Variants in ADCY3 observed in about 807,000 individuals in gnomAD.
The protein encoded by ADCY3 is adenylate cyclase 3, also known as adenylate cyclase type 3.
Under a neutral mutation model 119.4 loss-of-function variants are expected in ADCY3, and 70 were observed. The ratio of observed to expected loss-of-function variants is 0.59; its 90% confidence interval spans 0.48 to 0.72. The LOEUF is 0.72. Ranked by LOEUF, ADCY3 falls within the 30% of genes least tolerant of loss-of-function variation. The pLI is 0.00. For synonymous variants in ADCY3, 672 were observed against 621.4 expected (o/e 1.08, Z -1.21); for missense variants, 1,238 against 1,541.6 (o/e 0.80, Z 3.30).
intron 2 of ADCY3, among the ~76,000 whole-genome samples, chr2:24,889,323 G>T (rs959389360): frequency 2.6e-5 from 4 of 152,194 alleles, no homozygotes; most frequent in Admixed American, 2.0e-4. Context: ...TACTTACTCA[G>T]CTGTGGATGC....
At chr2:24,881,165 A>T (rs1176354677) in intron 2 of ADCY3, among the ~76,000 whole-genome samples, 1 of 152,158 alleles carries the variant, frequency 6.6e-6, no homozygotes, top group Non-Finnish European at 1.5e-5. Context: ...TCACCAGAAC[A>T]CCACACACTA....
At chr2:24,887,358 A>C (rs991860069) in intron 2 of ADCY3, among the ~76,000 whole-genome samples, 1 of 152,082 alleles carries the variant, frequency 6.6e-6, no homozygotes, top group East Asian at 1.9e-4. Flanking sequence ...TTGGGTGGGG[A>C]CGCAAAGCCT....
At chr2:24,877,339 C>T (rs546476253) in intron 2 of ADCY3, among the ~76,000 whole-genome samples, 97 of 152,316 alleles carry the variant, frequency 6.4e-4, no homozygotes, top group Non-Finnish European at 9.7e-4. Context: ...CAGAAGCCAT[C>T]AGTAAACATG....
At chr2:24,850,680 A>G (rs111719306) in intron 3 of ADCY3, among the ~76,000 whole-genome samples, 5 of 152,374 alleles carry the variant, frequency 3.3e-5, no homozygotes, top group African/African-American at 1.2e-4. Context: ...GTAAAAAGAT[A>G]TACGTAGAAG....
Position 24,840,174 on chromosome 2 carries a change from G to C in ADCY3, c.1197-143C>G, listed in dbSNP as rs1056141903. 15 of 1,163,486 alleles carry C rather than the reference G, an allele frequency of 1.3e-5. No homozygotes were observed. In the African/African-American group the frequency reaches 2.2e-4, roughly 17 times the overall value. 72.1% of individuals were successfully genotyped at this position (1,163,486 alleles called of 1,614,324 possible). ...GGCAAGGTCCCCACAGCTTGGTGTT[G>C]GGTGGGGGGTAAGGCAGGCCAGGGC... On this transcript the variant is annotated intron_variant, in intron 6 of 21. Transcript: ENST00000679454.
Position 24,834,999 on chromosome 2 carries a change from A to G in ADCY3, c.1663-63T>C. ...GACAGAGTGGTGGGGAAGAGCTGGG[A>G]AAGACAGAGGTGGAGGAGGAAAGGA... On this transcript the variant is annotated intron_variant, in intron 9 of 21. Coordinates refer to ENST00000679454, the MANE Select transcript of ADCY3 (RefSeq NM_004036.5). This position sits in a 1 kb window ranked among gnomAD's most constrained non-coding sequence, Gnocchi z 4.2. The G allele has an allele frequency of 1.3e-6, 2 of 1,571,194 alleles. No homozygotes were observed. The highest frequency in any genetic ancestry group is 1.7e-6 in the Non-Finnish European group (2 of 1,154,058).
In ADCY3 at chr2:24,834,754, G is replaced by A. The variant is rs748071218; in HGVS notation, c.1805+40C>T. On this transcript the variant is annotated intron_variant, in intron 10 of 21. Coordinates refer to ENST00000679454, the MANE Select transcript of ADCY3 (RefSeq NM_004036.5). The surrounding 1 kb of genome is among the most constrained non-coding windows in gnomAD (Gnocchi z 4.2). ...TTCCTGAATCCCTTGTCAGGGCCCG[G>A]GAGGAGTGGTGGGCCTGGACGCTTC... The A allele has an allele frequency of 4.1e-5, 65 of 1,602,800 alleles. No homozygotes were observed. Among genetic ancestry groups the A allele is most frequent in the Middle Eastern group, 1.7e-4 (1 of 5,804 alleles).
chr2:24,870,809 G>A (rs1450641728), intron 3 of ADCY3, among the ~76,000 whole-genome samples: 1 of 152,136 alleles, frequency 6.6e-6, no homozygotes, highest in Non-Finnish European at 1.5e-5. Context: ...AAAGCTCTAT[G>A]GGTTACAAAG....
chr2:24,840,527 G>A (rs746535524), intron 6 of ADCY3: 7 of 467,842 alleles, frequency 1.5e-5, no homozygotes, highest in South Asian at 7.8e-5. Flanking sequence ...GCTTTAACCT[G>A]GAAGATGGTA....
intron 13 of ADCY3, among the ~76,000 whole-genome samples, chr2:24,829,037 G>A (rs1669046852): frequency 1.8e-5 from 2 of 110,300 alleles, no homozygotes; most frequent in Non-Finnish European, 4.1e-5. Context: ...TTTTTTTTGA[G>A]ATGGAGTCTC....
chr2:24,826,490 C>G (rs111681525), intron 15 of ADCY3: 1 of 205,322 alleles, frequency 4.9e-6, no homozygotes, highest in South Asian at 1.1e-4. Flanking sequence ...AGCCATGGGA[C>G]TGGGGTACAA....
chr2:24,901,882 C>CA (rs1379064720), intron 2 of ADCY3, among the ~76,000 whole-genome samples: 1 of 151,480 alleles, frequency 6.6e-6, no homozygotes, highest in Non-Finnish European at 1.5e-5. Flanking sequence ...AAAAGATTGG[C>CA]AAATGACTGT....
chr2:24,858,765 G>A (rs1378206945), intron 3 of ADCY3, among the ~76,000 whole-genome samples: 1 of 152,220 alleles, frequency 6.6e-6, no homozygotes, highest in Non-Finnish European at 1.5e-5. Context: ...CAGCCCAGCA[G>A]AGCCCAGCTC....
In ADCY3 at chr2:24,841,251, C is replaced by A; in HGVS notation, c.1196+8G>T. The A allele has an allele frequency of 6.4e-7, 1 of 1,552,994 alleles. No individual in the cohort carries two copies. The highest frequency in any genetic ancestry group is 8.7e-7 in the Non-Finnish European group (1 of 1,148,614). The stretch of plus-strand genomic sequence containing the variant: ...TGGGAGCCTCCCTCCCAGAGGCATC[C>A]CACTTACGAGATGGCCTCCACCATG... On this transcript the variant is annotated splice_region_variant and intron_variant, in intron 6 of 21. Transcript: ENST00000679454. This position sits in a 1 kb window ranked among gnomAD's most constrained non-coding sequence, Gnocchi z 5.8.
chr2:24,882,987 G>A lies in ADCY3; in HGVS notation c.676-10268C>T, dbSNP rs557856196. Among the ~76,000 whole-genome samples the A allele has an allele frequency of 7.9e-5, 12 of 151,614 alleles. No individual in the cohort carries two copies. In the South Asian group the frequency reaches 2.5e-3, roughly 32 times the overall value. ...AGGCACAAGAACTGCTTGAGCCCGG[G>A]AGGCAGAGGTTGCAGTGAGCCGAGA... On this transcript the variant is annotated intron_variant, in intron 2 of 21. Transcript: ENST00000679454.
rs1671218204 is a variant in ADCY3 at position 24,842,946 on chromosome 2, A to C, written c.826-562T>G. Among the ~76,000 whole-genome samples the C allele has an allele frequency of 6.6e-6, 1 of 152,214 alleles. No individual in the cohort carries two copies. Among genetic ancestry groups the C allele is most frequent in the Admixed American group, 6.5e-5 (1 of 15,286 alleles). ...GCGCAGCATGGCAAGTTCTGTGCCC[A>C]GAAAGGAGAGAGCAGAGGACGGCGC... On this transcript the variant is annotated intron_variant, in intron 3 of 21. Transcript: ENST00000679454. The surrounding 1 kb of genome is among the most constrained non-coding windows in gnomAD (Gnocchi z 4.9).
Position 24,841,137 on chromosome 2 carries a change from T to A in ADCY3, c.1196+122A>T. On this transcript the variant is annotated intron_variant, in intron 6 of 21. Coordinates refer to ENST00000679454, the MANE Select transcript of ADCY3 (RefSeq NM_004036.5). The surrounding 1 kb of genome is among the most constrained non-coding windows in gnomAD (Gnocchi z 5.8). Reference sequence around the variant, plus strand: ...CCCATCAACCAGTGCTGTGTCCCAGTCTCTGCTTCCAGCAGATCCCCCACC... The same window carrying A: ...CCCATCAACCAGTGCTGTGTCCCAGACTCTGCTTCCAGCAGATCCCCCACC... The A allele has an allele frequency of 8.6e-7, 1 of 1,161,838 alleles. No homozygotes were observed. The highest frequency in any genetic ancestry group is 1.2e-6 in the Non-Finnish European group (1 of 851,122). 72.0% of individuals were successfully genotyped at this position (1,161,838 alleles called of 1,614,324 possible). A position where few individuals can be genotyped will look rare whatever the true frequency, so the allele number is the denominator to read the frequency against.
In ADCY3 at chr2:24,834,877, G is replaced by A. The variant is rs747444671; in HGVS notation, c.1722C>T (p.Asp574=). The change falls in exon 10 of 22, where the codon GAC becomes GAT. Residue 574 remains aspartate, a synonymous_variant. Coordinates refer to ENST00000679454, the MANE Select transcript of ADCY3 (RefSeq NM_004036.5). The surrounding 1 kb of genome is among the most constrained non-coding windows in gnomAD (Gnocchi z 4.2). ...CATCTTCAGAGGCATCCACCACTCG[G>A]TCAGCCAGGTCCTGCAGGCGCAGCC... is the stretch of plus-strand genomic sequence containing the variant. ...RRRLRLQDLA[D]RVVDASEDEH... is the part of the protein sequence containing the mutation. 2 of 1,613,940 alleles carry A rather than the reference G, an allele frequency of 1.2e-6. No individual in the cohort carries two copies. The highest frequency in any genetic ancestry group is 1.7e-6 in the Non-Finnish European group (2 of 1,179,998).
At position 24,893,031 on chromosome 2, in the gene ADCY3, CTT is replaced by C. The variant is rs755410434; in HGVS notation, c.676-20314_676-20313del. Among the ~76,000 whole-genome samples the C allele has an allele frequency of 6.9e-3, 843 of 122,860 alleles. 5 individuals are homozygous for C. The highest frequency in any genetic ancestry group is 0.025 in the African/African-American group (772 of 30,714). 80.6% of individuals were successfully genotyped at this position (122,860 alleles called of 152,430 possible). ...ATCCTTTTACTTTTAATCTATGTGT[CTT>C]TTTTTTTTTTTTTTTTTTGAGACTG... On this transcript the variant is annotated intron_variant, in intron 2 of 21. Transcript: ENST00000679454.
Sources: allele counts gnomAD v4.1 joint callset (sites outside exome capture counted in the v4.1 genomes callset), GRCh38; gene constraint gnomAD v4.1.1; non-coding constraint Gnocchi (gnomAD v3.1); transcripts MANE v1.5; gene names NCBI Gene and HGNC (gene_info 2026-07-23, HGNC 2026-07-21).